SVOPL: variants seen among roughly 807,000 people sequenced by gnomAD.
SVOPL encodes putative transporter SVOPL.
In SVOPL, 60 loss-of-function variants were observed where a neutral mutation model predicts 61.0. The ratio of observed to expected loss-of-function variants is 0.98; its 90% CI spans 0.80 to 1.22. The LOEUF (loss-of-function observed/expected upper bound fraction) is 1.22. Ranked by LOEUF, SVOPL falls within the 50% of genes most tolerant of loss-of-function variation. The pLI is 0.00. For synonymous variants in SVOPL, 279 were observed against 250.0 expected (o/e 1.12, Z -1.09); for missense variants, 662 against 643.9 (o/e 1.03, Z -0.30).
chr7:138,603,147 TAC>T (rs140312828), intron 14 of SVOPL, among the ~76,000 whole-genome samples: 1 of 152,288 alleles, frequency 6.6e-6, no homozygotes, highest in African/African-American at 2.4e-5. Flanking sequence ...CTGGAAGAAC[TAC>T]AGTGATTATC....
intron 5 of SVOPL, chr7:138,662,359 A>G (rs922003393): frequency 1.0e-6 from 1 of 985,290 alleles, no homozygotes; most frequent in Non-Finnish European, 1.2e-6. Flanking sequence ...TGCTAGTTTC[A>G]AACAGATAGG....
intron 3 of SVOPL, among the ~76,000 whole-genome samples, chr7:138,676,472 G>A (rs1292677913): frequency 2.0e-5 from 3 of 152,092 alleles, no homozygotes; most frequent in Non-Finnish European, 2.9e-5. Context: ...AGGGTGGAAA[G>A]GCAAACAAGC....
At position 138,649,050 on chromosome 7, in the gene SVOPL, C is replaced by A; in HGVS notation, c.622G>T (p.Ala208Ser). 1 of 1,613,606 alleles carries A rather than the reference C, an allele frequency of 6.2e-7. No homozygotes were observed. The highest frequency in any genetic ancestry group is 1.7e-4 in the Middle Eastern group (1 of 6,058). Residue 208 changes from alanine to serine, a missense_variant, in exon 8 of 16, where the codon GCC becomes TCC. Ala to Ser is a moderately conservative substitution (Grantham distance 99). Transcript: ENST00000674285. Reference protein sequence around the residue: ...TIGWRWLIRVASIPGIILIVA... With the variant: ...TIGWRWLIRVSSIPGIILIVA... ...ATGAGGATGATGCCCGGGATGGAGG[C>A]GACGCGAATGAGCCAGCGCCACCCG...
At chr7:138,617,663 C>G (rs556535052) in intron 14 of SVOPL, among the ~76,000 whole-genome samples, 7 of 152,076 alleles carry the variant, frequency 4.6e-5, no homozygotes, top group Non-Finnish European at 8.8e-5. Context: ...AGTGAGACCT[C>G]ATCTCTACTA....
chr7:138,689,490 T>C, intron 1 of SVOPL: 1 of 745,046 alleles, frequency 1.3e-6, no homozygotes. Flanking sequence ...GAAAAAGATA[T>C]CCCAGAAGAA....
At position 138,672,058 on chromosome 7, in the gene SVOPL, T is replaced by A. The variant is rs1409538393; in HGVS notation, c.234A>T (p.Glu78Asp). Residue 78 changes from glutamate (E) to aspartate (D), a missense_variant, in exon 4 of 16, where the codon GAA becomes GAT. Transcript: ENST00000674285. ...CCACCTGCCAATTCTCCAGTTGCCA[T>A]TCACAGCGGATGACAGGAGACACAA... The part of the protein sequence containing the change: ...IAVVSPVIRC[E>D]WQLENWQVAL... The A allele has an allele frequency of 6.4e-7, 1 of 1,551,652 alleles. No individual in the cohort carries two copies. The highest frequency in any genetic ancestry group is 2.0e-5 in the Admixed American group (1 of 50,998).
At position 138,596,528 on chromosome 7, in the gene SVOPL, A is replaced by T. The variant is rs1798289574; in HGVS notation, c.1356T>A (p.Val452=). 6.2e-7 allele frequency: 1 copy of T among 1,613,366 alleles called. No individual in the cohort carries two copies. The highest frequency in any genetic ancestry group is 8.5e-7 in the Non-Finnish European group (1 of 1,179,658). The change falls in exon 15 of 16, where the codon GTT becomes GTA. Residue 452 remains valine (V), a splice_region_variant and synonymous_variant. Coordinates refer to ENST00000674285, the MANE Select transcript of SVOPL (RefSeq NM_001139456.2). ...GAMVAPFISQ[V]LMSASILGAL... ...CCCCCAGTATTGATGCACTCATAAG[A>T]ACCTGCAAGTCACAAGAGAATTACT...
intron 3 of SVOPL, among the ~76,000 whole-genome samples, chr7:138,675,947 T>C (rs1235684403): frequency 1.3e-5 from 2 of 152,154 alleles, no homozygotes; most frequent in African/African-American, 2.4e-5. Flanking sequence ...CAAGTTATTC[T>C]CCTGCCTCAG....
At chr7:138,657,854 C>T (rs1053940055) in intron 6 of SVOPL, among the ~76,000 whole-genome samples, 2 of 152,090 alleles carry the variant, frequency 1.3e-5, no homozygotes, top group African/African-American at 4.8e-5. Flanking sequence ...AAGAGAAGAG[C>T]CCAAGGGGTC....
Position 138,627,382 on chromosome 7 carries a change from T to A in SVOPL, c.1149A>T (p.Leu383Phe). 1 of 1,613,670 alleles carries A rather than the reference T, an allele frequency of 6.2e-7. No individual in the cohort carries two copies. Among genetic ancestry groups the A allele is most frequent in the Non-Finnish European group, 8.5e-7 (1 of 1,179,606 alleles). Reference protein sequence around the residue: ...SLSITMGCTALFFLLLNICTS... With the variant: ...SLSITMGCTAFFFLLLNICTS... ...TGCAAATGTTGAGGAGAAGGAAGAA[T>A]AAAGCCGTGCATCCCATGGTAATAG... The change falls in exon 12 of 16, where the codon TTA becomes TTT. Residue 383 changes from leucine to phenylalanine, a missense_variant. Physicochemically the swap from Leu to Phe is conservative, Grantham distance 22. Transcript: ENST00000674285.
intron 4 of SVOPL, among the ~76,000 whole-genome samples, chr7:138,664,059 T>C (rs1017331445): frequency 5.9e-5 from 9 of 152,132 alleles, no homozygotes; most frequent in Non-Finnish European, 1.5e-5. Context: ...AAACGTTCCG[T>C]AACCCTGTTT....
At chr7:138,660,509 T>C (rs1801956513) in intron 5 of SVOPL, 1 of 985,956 alleles carries the variant, frequency 1.0e-6, no homozygotes, top group East Asian at 1.1e-4. Flanking sequence ...GAAAACGAAG[T>C]GTTAATGGCT....
intron 15 of SVOPL, among the ~76,000 whole-genome samples, chr7:138,595,469 C>G (rs947896613): frequency 6.6e-6 from 1 of 152,096 alleles, no homozygotes; most frequent in African/African-American, 2.4e-5. Context: ...AAAACCAAGT[C>G]CCAGTCAACA....
At chr7:138,671,997 G>T (rs1041085058) in intron 4 of SVOPL, 22 bp downstream of exon 4, 1 of 1,549,872 alleles carries the variant, frequency 6.5e-7, no homozygotes, top group Admixed American at 2.0e-5. Flanking sequence ...CTGTGTTCAC[G>T]GCACAGGGAG....
intron 14 of SVOPL, among the ~76,000 whole-genome samples, chr7:138,610,369 G>A (rs1798946636): frequency 6.6e-6 from 1 of 150,640 alleles, no homozygotes; most frequent in Admixed American, 6.6e-5. Context: ...TTTTATTTGA[G>A]CCTACATCAC....
At chr7:138,696,750 G>A (rs1002286511) in intron 1 of SVOPL, among the ~76,000 whole-genome samples, 1 of 152,002 alleles carries the variant, frequency 6.6e-6, no homozygotes, top group Non-Finnish European at 1.5e-5. Flanking sequence ...TAAAATTTTG[G>A]TAGAAACGGG....
intron 3 of SVOPL, among the ~76,000 whole-genome samples, chr7:138,677,005 G>A (rs1414950911): frequency 6.9e-6 from 1 of 144,056 alleles, no homozygotes; most frequent in South Asian, 2.3e-4. Context: ...CCGGATTCAC[G>A]CCATTCTCCT....
chr7:138,668,015 A>G (rs1248293199), intron 4 of SVOPL, among the ~76,000 whole-genome samples: 1 of 152,182 alleles, frequency 6.6e-6, no homozygotes, highest in Non-Finnish European at 1.5e-5. Context: ...TGGAGGTTAC[A>G]AGATTCTGAC....
Position 138,649,066 on chromosome 7 carries a change from G to A in SVOPL, c.606C>T (p.Arg202=), listed in dbSNP as rs533968380. The part of the protein sequence containing the change: ...ASVIIPTIGW[R]WLIRVASIPG... Reference sequence around the variant, plus strand: ...GGATGGAGGCGACGCGAATGAGCCAGCGCCACCCGATGGTGGGGATGATCA... The same window carrying A: ...GGATGGAGGCGACGCGAATGAGCCAACGCCACCCGATGGTGGGGATGATCA... The change falls in exon 8 of 16, where the codon CGC becomes CGT. Residue 202 remains arginine (R), a synonymous_variant. Transcript: ENST00000674285. 141 of 1,613,988 alleles carry A rather than the reference G, an allele frequency of 8.7e-5. No individual in the cohort carries two copies. The South Asian group carries it at 1.3e-3, about 15-fold the overall frequency.
Sources: gnomAD v4.1 joint callset for allele counts (sites outside exome capture counted in the v4.1 genomes callset) on GRCh38, gnomAD v4.1.1 for gene constraint, MANE v1.5 for transcripts, NCBI Gene and HGNC (gene_info 2026-07-23, HGNC 2026-07-21) for gene names.